The following FOXP1 variants were observed in gnomAD, a reference collection of about 807,000 sequenced individuals.
FOXP1 encodes forkhead box protein P1.
FOXP1 carries 15 observed loss-of-function variants against 98.2 expected under a neutral mutation model. That is an observed-to-expected ratio of 0.15 (90% CI 0.10 to 0.24). FOXP1 has a LOEUF of 0.24. FOXP1 is among the 10% of genes least tolerant of loss of function. The pLI is 1.00. For missense variants in FOXP1, 633 were observed against 848.5 expected (o/e 0.75, Z 3.15); for synonymous variants, 371 against 314.5 (o/e 1.18, Z -1.90).
intron 6 of FOXP1, among the ~76,000 whole-genome samples, chr3:71,142,435 G>A (rs1338752971): frequency 6.6e-6 from 1 of 152,194 alleles, no homozygotes; most frequent in East Asian, 1.9e-4. Context: ...TGGGCCTGAT[G>A]GAATCACATG....
intron 2 of FOXP1, among the ~76,000 whole-genome samples, chr3:71,547,463 G>A (rs1257883405): frequency 4.6e-5 from 7 of 152,182 alleles, no homozygotes; most frequent in South Asian, 4.1e-4. Flanking sequence ...TGGTCTCCAC[G>A]GATTGCTGTG....
chr3:71,323,579 T>G (rs898623538), intron 4 of FOXP1, among the ~76,000 whole-genome samples: 5 of 151,682 alleles, frequency 3.3e-5, no homozygotes, highest in Non-Finnish European at 7.4e-5. Flanking sequence ...AGGGGAAGAG[T>G]GTGTAACTAG....
intron 2 of FOXP1, among the ~76,000 whole-genome samples, chr3:71,559,465 G>A (rs745769794): frequency 1.3e-5 from 2 of 152,020 alleles, no homozygotes; most frequent in African/African-American, 4.8e-5. Context: ...CCCCTCACCC[G>A]CTAATCTAAC....
intron 2 of FOXP1, among the ~76,000 whole-genome samples, chr3:71,555,170 G>A (rs888326796): frequency 1.3e-5 from 2 of 152,126 alleles, no homozygotes; most frequent in Non-Finnish European, 2.9e-5. Flanking sequence ...CACTCAGACT[G>A]CTTCTTTACA....
intron 11 of FOXP1, among the ~76,000 whole-genome samples, chr3:71,032,031 G>T (rs1429630536): frequency 6.6e-6 from 1 of 152,216 alleles, no homozygotes; most frequent in Non-Finnish European, 1.5e-5. Context: ...GAGTACATGT[G>T]AGTGTGTGTG....
At chr3:71,519,558 T>G (rs1446838928) in intron 2 of FOXP1, among the ~76,000 whole-genome samples, 2 of 152,194 alleles carry the variant, frequency 1.3e-5, no homozygotes, top group Non-Finnish European at 2.9e-5. Flanking sequence ...CACCCCACTT[T>G]CCTGGGCATT....
chr3:70,962,704 A>G (rs2033831531), intron 20 of FOXP1, among the ~76,000 whole-genome samples: 5 of 152,284 alleles, frequency 3.3e-5, no homozygotes, highest in Admixed American at 3.3e-4. Flanking sequence ...TTTCTTAACT[A>G]TCAGGTCTAT....
At chr3:71,033,936 C>A (rs1352284145) in intron 11 of FOXP1, among the ~76,000 whole-genome samples, 1 of 152,118 alleles carries the variant, frequency 6.6e-6, no homozygotes, top group African/African-American at 2.4e-5. Flanking sequence ...GTTACCTCCC[C>A]GACAGATAGA....
chr3:70,958,215 GAAAAGAAA>G lies in FOXP1; in HGVS notation c.*1024_*1031del, dbSNP rs1237518207. The G allele has an allele frequency of 2.6e-5, 10 of 378,760 alleles. No individual in the cohort carries two copies. Among genetic ancestry groups the G allele is most frequent in the East Asian group, 5.0e-5 (1 of 20,106 alleles). The allele number at this position is 378,760 out of a possible 1,614,324, so 23.5% of individuals were successfully genotyped here. A position where few individuals can be genotyped will look rare whatever the true frequency, so the allele number is the denominator to read the frequency against. On this transcript the variant is annotated 3_prime_UTR_variant, in exon 21 of 21. Coordinates refer to ENST00000649528, the MANE Select transcript of FOXP1 (RefSeq NM_001349338.3). ...TTGCTGCAAAAAAAAAAAAAGAAAA[GAAAAGAAA>G]AAAAGAAAATCCGAAACACCCCTCC...
chr3:71,367,026 C>T (rs767109820), intron 3 of FOXP1, among the ~76,000 whole-genome samples: 11 of 152,188 alleles, frequency 7.2e-5, no homozygotes, highest in Non-Finnish European at 7.3e-5. Flanking sequence ...TTTTAATAAC[C>T]TCAAACAGTT....
intron 4 of FOXP1, among the ~76,000 whole-genome samples, chr3:71,313,556 C>T (rs1387504522): frequency 1.3e-5 from 2 of 151,074 alleles, no homozygotes; most frequent in African/African-American, 4.9e-5. Context: ...GAGACAGTCT[C>T]GCACTCTCGC....
At chr3:71,491,560 C>T (rs2091059527) in intron 3 of FOXP1, among the ~76,000 whole-genome samples, 1 of 152,138 alleles carries the variant, frequency 6.6e-6, no homozygotes, top group Non-Finnish European at 1.5e-5. Context: ...TTACTATTTG[C>T]CTTATTTCTT....
At chr3:71,386,804 A>G (rs1567084) in intron 3 of FOXP1, among the ~76,000 whole-genome samples, 69,781 of 150,046 alleles carry the variant, frequency 0.47, 17,231 homozygotes, top group African/African-American at 0.51. Flanking sequence ...AAATAATACA[A>G]TGAATTGTCA....
At chr3:71,515,135 A>G (rs148951632) in intron 2 of FOXP1, among the ~76,000 whole-genome samples, 1 of 152,272 alleles carries the variant, frequency 6.6e-6, no homozygotes, top group East Asian at 1.9e-4. Flanking sequence ...CTTCGTTACA[A>G]ACTGGCATTT....
Position 71,012,357 on chromosome 3 carries a change from T to C in FOXP1, c.974+3192A>G, listed in dbSNP as rs139827774. Among the ~76,000 whole-genome samples, 483 of 152,300 alleles carry C rather than the reference T, an allele frequency of 3.2e-3. 4 individuals are homozygous for C. The highest frequency in any genetic ancestry group is 0.014 in the South Asian group (70 of 4,828). On this transcript the variant is annotated intron_variant, in intron 12 of 20. Coordinates refer to ENST00000649528, the MANE Select transcript of FOXP1 (RefSeq NM_001349338.3). ...AGGAAAGAACAAAACTAAGATTCTATAGTGAGTGATTTCTAAACAAAACAA... is the reference window on the plus strand; with the variant it reads ...AGGAAAGAACAAAACTAAGATTCTACAGTGAGTGATTTCTAAACAAAACAA...
intron 5 of FOXP1, among the ~76,000 whole-genome samples, chr3:71,287,495 T>C (rs1159484847): frequency 6.6e-6 from 1 of 151,144 alleles, no homozygotes; most frequent in South Asian, 2.1e-4. Flanking sequence ...ATAATAGTAA[T>C]AGGGCCAAGC....
At chr3:71,474,018 A>C (rs1383765094) in intron 3 of FOXP1, among the ~76,000 whole-genome samples, 2 of 152,236 alleles carry the variant, frequency 1.3e-5, no homozygotes, top group African/African-American at 4.8e-5. Flanking sequence ...ACCGTTCATA[A>C]AAGATAATAT....
intron 5 of FOXP1, among the ~76,000 whole-genome samples, chr3:71,274,135 C>T (rs1487681134): frequency 6.6e-6 from 1 of 152,180 alleles, no homozygotes; most frequent in Non-Finnish European, 1.5e-5. Flanking sequence ...ATACTAGCAC[C>T]AGTGCCTTGT....
At chr3:71,230,512 A>T (rs2066198769) in intron 5 of FOXP1, among the ~76,000 whole-genome samples, 1 of 152,242 alleles carries the variant, frequency 6.6e-6, no homozygotes, top group South Asian at 2.1e-4. Flanking sequence ...TACCTATGAC[A>T]GTAAACAGAT....
Sources: gnomAD v4.1 joint callset for allele counts (sites outside exome capture counted in the v4.1 genomes callset) on GRCh38, gnomAD v4.1.1 for gene constraint, MANE v1.5 for transcripts, NCBI Gene and HGNC (gene_info 2026-07-23, HGNC 2026-07-21) for gene names.